SLC25A31: variants seen among roughly 807,000 people sequenced by gnomAD.
SLC25A31 encodes the protein ADP/ATP translocase 4.
SLC25A31 carries 40 observed loss-of-function variants against 36.2 expected under a neutral mutation model. The ratio of observed to expected loss-of-function variants is 1.10; its 90% CI spans 0.86 to 1.44. The LOEUF (loss-of-function observed/expected upper bound fraction) is 1.44. Ranked by LOEUF, SLC25A31 falls within the 40% of genes most tolerant of loss-of-function variation. The pLI is 0.00. For synonymous variants in SLC25A31, 143 were observed against 149.7 expected (o/e 0.96, Z 0.32); for missense variants, 350 against 397.1 (o/e 0.88, Z 1.01).
At chr4:127,766,379 G>T (rs974912814) in intron 3 of SLC25A31, among the ~76,000 whole-genome samples, 1 of 151,882 alleles carries the variant, frequency 6.6e-6, no homozygotes, top group Non-Finnish European at 1.5e-5. Context: ...TCTTGCCCAG[G>T]CTGGTCTTGA....
intron 2 of SLC25A31, among the ~76,000 whole-genome samples, chr4:127,756,738 C>G (rs1006838613): frequency 6.6e-6 from 1 of 151,998 alleles, no homozygotes; most frequent in Non-Finnish European, 1.5e-5. Context: ...ATACTTTTAG[C>G]CATTGTACCG....
At chr4:127,739,076 G>A (rs1323508140) in intron 1 of SLC25A31, among the ~76,000 whole-genome samples, 2 of 152,064 alleles carry the variant, frequency 1.3e-5, no homozygotes, top group Non-Finnish European at 2.9e-5. Flanking sequence ...TCTTTTAAAC[G>A]GGGTGGTTAG....
At chr4:127,748,293 C>T (rs1417498544) in intron 2 of SLC25A31, among the ~76,000 whole-genome samples, 6 of 152,202 alleles carry the variant, frequency 3.9e-5, no homozygotes, top group African/African-American at 1.4e-4. Flanking sequence ...TTCTCATTTG[C>T]AGCCTGAGAG....
intron 2 of SLC25A31, among the ~76,000 whole-genome samples, chr4:127,761,345 C>T (rs1732125585): frequency 6.6e-6 from 1 of 152,194 alleles, no homozygotes; most frequent in Non-Finnish European, 1.5e-5. Context: ...TTAAGATCTA[C>T]TTTATAAATC....
At chr4:127,742,221 A>G (rs1731745295) in intron 1 of SLC25A31, among the ~76,000 whole-genome samples, 1 of 152,204 alleles carries the variant, frequency 6.6e-6, no homozygotes, top group African/African-American at 2.4e-5. Context: ...TCTCATCAAT[A>G]AACCAAGAAA....
chr4:127,761,090 A>G (rs1732120188), intron 2 of SLC25A31, among the ~76,000 whole-genome samples: 1 of 152,138 alleles, frequency 6.6e-6, no homozygotes, highest in Admixed American at 6.5e-5. Context: ...TAAATGCAGG[A>G]TCGTCACTCA....
At chr4:127,754,817 A>C (rs945519152) in intron 2 of SLC25A31, among the ~76,000 whole-genome samples, 18 of 152,210 alleles carry the variant, frequency 1.2e-4, no homozygotes, top group Admixed American at 9.2e-4. Context: ...AAATAAAAAA[A>C]GAATCCTTCA....
chr4:127,760,941 G>C (rs191888216), intron 2 of SLC25A31, among the ~76,000 whole-genome samples: 8 of 152,210 alleles, frequency 5.3e-5, no homozygotes, highest in Admixed American at 3.9e-4. Context: ...CAGCCTGGGC[G>C]GGGGGAAAAC....
intron 2 of SLC25A31, among the ~76,000 whole-genome samples, chr4:127,745,359 A>T (rs945490096): frequency 6.6e-6 from 1 of 152,072 alleles, no homozygotes; most frequent in Non-Finnish European, 1.5e-5. Context: ...CTCAATTTCA[A>T]AATTTCCTAC....
At chr4:127,762,179 G>A (rs560238575) in intron 2 of SLC25A31, among the ~76,000 whole-genome samples, 42 of 152,034 alleles carry the variant, frequency 2.8e-4, no homozygotes, top group Non-Finnish European at 5.0e-4. Flanking sequence ...TCAAACAAAT[G>A]GAAACAACCC....
intron 1 of SLC25A31, among the ~76,000 whole-genome samples, chr4:127,733,948 T>A (rs1294701256): frequency 1.3e-5 from 2 of 152,228 alleles, no homozygotes; most frequent in Non-Finnish European, 2.9e-5. Context: ...CTGACACTTT[T>A]TATAAGCTTT....
chr4:127,735,929 G>A (rs1288558166), intron 1 of SLC25A31, among the ~76,000 whole-genome samples: 2 of 127,560 alleles, frequency 1.6e-5, no homozygotes, highest in African/African-American at 2.9e-5. Context: ...TCGCTCTGTC[G>A]CCCAGGCTGG....
At chr4:127,759,324 A>G (rs1038238025) in intron 2 of SLC25A31, among the ~76,000 whole-genome samples, 13 of 151,306 alleles carry the variant, frequency 8.6e-5, no homozygotes, top group East Asian at 3.9e-4. Flanking sequence ...TTGATTTTGT[A>G]TCCGGAAACT....
At chr4:127,739,261 C>T (rs1449344111) in intron 1 of SLC25A31, among the ~76,000 whole-genome samples, 1 of 142,078 alleles carries the variant, frequency 7.0e-6, no homozygotes, top group African/African-American at 2.6e-5. Context: ...GTAGAGCTCC[C>T]TTAAGGATTG....
intron 2 of SLC25A31, among the ~76,000 whole-genome samples, chr4:127,750,046 GA>G (rs953344798): frequency 6.1e-5 from 9 of 148,176 alleles, no homozygotes; most frequent in African/African-American, 2.2e-4. Context: ...AGTGCTAAAA[GA>G]AAAAAAAAAT....
chr4:127,756,567 A>G (rs1358571349), intron 2 of SLC25A31, among the ~76,000 whole-genome samples: 1 of 152,166 alleles, frequency 6.6e-6, no homozygotes, highest in African/African-American at 2.4e-5. Flanking sequence ...AAAATTGCTA[A>G]AAGAGTATGT....
At position 127,730,700 on chromosome 4, in the gene SLC25A31, C is replaced by T. The variant is rs1360662589; in HGVS notation, c.155C>T (p.Ala52Val). ...GTGAAGCTGCTGCTGCAGGTGCAGG[C>T]GTCGTCGAAGCAGATCAGCCCCGAG... ...ERVKLLLQVQ[A>V]SSKQISPEAR... The change falls in exon 1 of 6, where the codon GCG (alanine) becomes GTG (valine). Residue 52 changes from alanine to valine, a missense_variant. Ala to Val is a moderately conservative substitution (Grantham distance 64). Coordinates refer to ENST00000281154, the MANE Select transcript of SLC25A31 (RefSeq NM_031291.4). 8 of 1,613,858 alleles carry T rather than the reference C, an allele frequency of 5.0e-6. No homozygotes were observed. The highest frequency in any genetic ancestry group is 6.8e-6 in the Non-Finnish European group (8 of 1,179,928).
chr4:127,738,183 C>T (rs988710745), intron 1 of SLC25A31, among the ~76,000 whole-genome samples: 11 of 152,144 alleles, frequency 7.2e-5, no homozygotes, highest in Admixed American at 1.3e-4. Context: ...ATTCCCACTC[C>T]GGATTCAAGC....
intron 5 of SLC25A31, among the ~76,000 whole-genome samples, chr4:127,770,409 G>A (rs975178242): frequency 2.1e-4 from 32 of 152,172 alleles, no homozygotes; most frequent in Non-Finnish European, 4.7e-4. Context: ...GGTGGATCAC[G>A]AAGTCAAGAG....
Sources: allele counts gnomAD v4.1 joint callset (sites outside exome capture counted in the v4.1 genomes callset), GRCh38; gene constraint gnomAD v4.1.1; transcripts MANE v1.5; gene names NCBI Gene and HGNC (gene_info 2026-07-23, HGNC 2026-07-21).